CSMD3: variants seen among roughly 807,000 people sequenced by gnomAD.
CSMD3 encodes the protein CUB and Sushi multiple domains 3.
In CSMD3, 177 loss-of-function variants were observed where a neutral mutation model predicts 435.2. The observed-to-expected ratio is 0.41, with a 90% CI of 0.36 to 0.46. The LOEUF is 0.46. CSMD3 is among the 20% of genes least tolerant of loss of function. CSMD3 has a pLI of 0.34. For missense variants in CSMD3, 4,265 were observed against 4,504.6 expected, an observed-to-expected ratio of 0.95 and a Z score of 1.52; for synonymous variants, 1,656 against 1,520.5, an observed-to-expected ratio of 1.09 and a Z score of -2.07.
At chr8:112,263,378 A>G (rs936002388) in intron 61 of CSMD3, among the ~76,000 whole-genome samples, 3 of 152,164 alleles carry the variant, frequency 2.0e-5, no homozygotes, top group Admixed American at 2.0e-4. Flanking sequence ...CCAGCAGTAG[A>G]ATAAATTTAA....
intron 1 of CSMD3, among the ~76,000 whole-genome samples, chr8:113,401,245 T>C (rs1051625854): frequency 6.6e-6 from 1 of 151,724 alleles, no homozygotes; most frequent in Non-Finnish European, 1.5e-5. Flanking sequence ...CTATGAAAGG[T>C]ATTTCCTTTA....
chr8:112,456,141 T>A (rs1212289117), intron 32 of CSMD3, among the ~76,000 whole-genome samples: 4 of 152,082 alleles, frequency 2.6e-5, no homozygotes, highest in Non-Finnish European at 5.9e-5. Context: ...AAGGATTATG[T>A]TTGAAATATT....
At chr8:113,389,018 G>C (rs2094450504) in intron 1 of CSMD3, among the ~76,000 whole-genome samples, 1 of 92,252 alleles carries the variant, frequency 1.1e-5, no homozygotes, top group African/African-American at 4.1e-5. Flanking sequence ...TCATTACTGG[G>C]TAATATTTGT....
intron 1 of CSMD3, among the ~76,000 whole-genome samples, chr8:113,402,695 AT>A (rs1034970195): frequency 6.6e-6 from 1 of 151,280 alleles, no homozygotes; most frequent in Non-Finnish European, 1.5e-5. Context: ...AAGTTTTCTC[AT>A]TTTGACTCTG....
chr8:112,661,669 T>G (rs1055034706), intron 17 of CSMD3, among the ~76,000 whole-genome samples: 1 of 152,168 alleles, frequency 6.6e-6, no homozygotes, highest in Admixed American at 6.6e-5. Flanking sequence ...TAAACTAATT[T>G]TCTAGTCATA....
intron 6 of CSMD3, among the ~76,000 whole-genome samples, chr8:113,003,560 T>A (rs1400951664): frequency 6.6e-6 from 1 of 152,068 alleles, no homozygotes; most frequent in Non-Finnish European, 1.5e-5. Context: ...GTACCAATAT[T>A]TTATGGTTTA....
chr8:112,809,942 G>A (rs191987149), intron 12 of CSMD3, among the ~76,000 whole-genome samples: 1 of 152,224 alleles, frequency 6.6e-6, no homozygotes, highest in Non-Finnish European at 1.5e-5. Flanking sequence ...TGGGAGGATA[G>A]GAGCTTAACT....
intron 32 of CSMD3, among the ~76,000 whole-genome samples, chr8:112,430,737 G>A (rs1813576771): frequency 6.6e-6 from 1 of 152,066 alleles, no homozygotes; most frequent in Admixed American, 6.6e-5. Flanking sequence ...GGCAACTGCT[G>A]ATTTTGGATA....
chr8:113,243,573 T>C (rs1248873953), intron 3 of CSMD3, among the ~76,000 whole-genome samples: 2 of 152,110 alleles, frequency 1.3e-5, no homozygotes, highest in Admixed American at 1.3e-4. Flanking sequence ...TGAGGAGCCA[T>C]CATGTACAAG....
At chr8:112,470,436 A>G (rs1320660128) in intron 32 of CSMD3, among the ~76,000 whole-genome samples, 3 of 152,266 alleles carry the variant, frequency 2.0e-5, no homozygotes, top group East Asian at 3.9e-4. Flanking sequence ...AAATTATTAT[A>G]AAATAACCAC....
chr8:112,237,693 G>A (rs1302165853), intron 66 of CSMD3, among the ~76,000 whole-genome samples: 3 of 152,050 alleles, frequency 2.0e-5, no homozygotes, highest in Non-Finnish European at 4.4e-5. Flanking sequence ...TGATTTCACA[G>A]CACCATGGCA....
At chr8:113,433,893 G>T (rs914236437) in intron 1 of CSMD3, among the ~76,000 whole-genome samples, 2 of 152,140 alleles carry the variant, frequency 1.3e-5, no homozygotes, top group African/African-American at 4.8e-5. Context: ...TGTGTGGGGG[G>T]TGCGGGGGAG....
chr8:113,032,898 C>T (rs771892894), intron 5 of CSMD3, among the ~76,000 whole-genome samples: 4 of 151,632 alleles, frequency 2.6e-5, no homozygotes, highest in Non-Finnish European at 4.4e-5. Context: ...AGCCCACATA[C>T]CAGCTGTTAA....
chr8:113,332,516 GA>G (rs2094036050), intron 1 of CSMD3, among the ~76,000 whole-genome samples: 1 of 151,442 alleles, frequency 6.6e-6, no homozygotes, highest in African/African-American at 2.4e-5. Flanking sequence ...TAAAATTAGA[GA>G]ATAAATTCAT....
intron 18 of CSMD3, among the ~76,000 whole-genome samples, chr8:112,654,007 A>G (rs1194331873): frequency 6.7e-6 from 1 of 149,406 alleles, no homozygotes; most frequent in Non-Finnish European, 1.5e-5. Context: ...TGGGGGGCAG[A>G]TAGAATGGGG....
At chr8:112,390,815 G>A (rs1432925500) in intron 35 of CSMD3, 27 bp from the exon 36 acceptor site, 1 of 1,608,312 alleles carries the variant, frequency 6.2e-7, no homozygotes, top group Non-Finnish European at 8.5e-7. Flanking sequence ...CCAAGAGAGG[G>A]AGTTAATTCT....
At chr8:112,975,006 C>A (rs142343165) in intron 7 of CSMD3, among the ~76,000 whole-genome samples, 1 of 151,352 alleles carries the variant, frequency 6.6e-6, no homozygotes, top group Non-Finnish European at 1.5e-5. Flanking sequence ...ATACATATAT[C>A]GATATAAATA....
chr8:112,563,951 A>G (rs115958392), intron 24 of CSMD3, among the ~76,000 whole-genome samples: 2,411 of 152,150 alleles, frequency 0.016, 39 homozygotes, highest in Middle Eastern at 0.048. Flanking sequence ...AAACCTAATC[A>G]TCACACTTTT....
chr8:112,234,415 G>A lies in CSMD3; in HGVS notation c.10690C>T (p.His3564Tyr), dbSNP rs760263475. ...TCCTTCATTTTCTTCACAGAAGCAT[G>A]AGCAGGTACTTTAATAAGATATATG... ...LRIYLIKVPA[H>Y]ASVKKMKEEN... The change falls in exon 68 of 71, where the codon CAT becomes TAT. Residue 3564 changes from histidine (H) to tyrosine (Y), a missense_variant. Transcript: ENST00000297405. 8 of 1,613,256 alleles carry A rather than the reference G, an allele frequency of 5.0e-6. No individual in the cohort carries two copies. Among genetic ancestry groups the A allele is most frequent in the Non-Finnish European group, 6.8e-6 (8 of 1,179,680 alleles).
Sources: allele counts gnomAD v4.1 joint callset (sites outside exome capture counted in the v4.1 genomes callset), GRCh38; gene constraint gnomAD v4.1.1; transcripts MANE v1.5; gene names NCBI Gene and HGNC (gene_info 2026-07-23, HGNC 2026-07-21).